Variants in CADPS2 observed in about 807,000 individuals in gnomAD.
The protein encoded by CADPS2 is calcium dependent secretion activator 2.
CADPS2 carries 93 observed loss-of-function variants against 172.5 expected under a neutral mutation model. That is an observed-to-expected ratio of 0.54 (90% CI 0.46 to 0.64). The LOEUF (loss-of-function observed/expected upper bound fraction) is 0.64, where lower values mean the gene tolerates loss of function less well. CADPS2 is among the 30% of genes least tolerant of loss of function. CADPS2 has a pLI of 0.00. For synonymous variants in CADPS2, 546 were observed against 555.2 expected, an observed-to-expected ratio of 0.98 and a Z score of 0.23; for missense variants, 1,420 against 1,565.9, an observed-to-expected ratio of 0.91 and a Z score of 1.57.
At chr7:122,703,827 G>C (rs896574236) in intron 2 of CADPS2, among the ~76,000 whole-genome samples, 12 of 152,108 alleles carry the variant, frequency 7.9e-5, no homozygotes, top group Non-Finnish European at 1.3e-4. Flanking sequence ...ACAGACAAAG[G>C]CTGAATAACA....
At position 122,569,418 on chromosome 7, in the gene CADPS2, G is replaced by A. The variant is rs1201714073; in HGVS notation, c.1335+11761C>T. On this transcript the variant is annotated intron_variant, in intron 7 of 29. Coordinates refer to ENST00000449022, the MANE Select transcript of CADPS2 (RefSeq NM_017954.11). Reference sequence around the variant, plus strand: ...AATGGAAGACCATTCCATGCTCGTGGATAGGAAGAATCAATACCGTGAAAA... The same window carrying A: ...AATGGAAGACCATTCCATGCTCGTGAATAGGAAGAATCAATACCGTGAAAA... 2.6e-5 allele frequency among the ~76,000 whole-genome samples: 4 copies of A among 151,984 alleles called. No individual in the cohort carries two copies. The East Asian group carries it at 7.7e-4, about 29-fold the overall frequency.
intron 1 of CADPS2, among the ~76,000 whole-genome samples, chr7:122,744,747 A>T (rs1410780939): frequency 6.6e-6 from 1 of 152,168 alleles, no homozygotes; most frequent in African/African-American, 2.4e-5. Flanking sequence ...ATGGACCCCA[A>T]CCCAGTCTAG....
intron 9 of CADPS2, among the ~76,000 whole-genome samples, chr7:122,494,218 T>C (rs1297682846): frequency 2.0e-5 from 3 of 152,212 alleles, no homozygotes; most frequent in African/African-American, 7.2e-5. Context: ...TCCAGCCTGC[T>C]GGCCTTTCTG....
At chr7:122,510,261 C>G (rs2059916301) in intron 9 of CADPS2, among the ~76,000 whole-genome samples, 5 of 151,754 alleles carry the variant, frequency 3.3e-5, no homozygotes, top group Admixed American at 2.6e-4. Flanking sequence ...CAAAATTTAC[C>G]TTCATTAAAA....
At chr7:122,819,922 A>G (rs1176721324) in intron 1 of CADPS2, among the ~76,000 whole-genome samples, 1 of 152,134 alleles carries the variant, frequency 6.6e-6, no homozygotes, top group Non-Finnish European at 1.5e-5. Context: ...CCCATCCTGC[A>G]GCATGCTTTA....
intron 12 of CADPS2, among the ~76,000 whole-genome samples, chr7:122,477,020 G>T (rs1185605140): frequency 2.6e-5 from 3 of 113,290 alleles, no homozygotes; most frequent in African/African-American, 1.2e-4. Context: ...GAGGAGAGGA[G>T]AGGAGAGGAG....
intron 1 of CADPS2, among the ~76,000 whole-genome samples, chr7:122,783,201 A>C (rs531716475): frequency 1.3e-5 from 2 of 151,920 alleles, no homozygotes; most frequent in African/African-American, 4.8e-5. Context: ...TCAAAAAAAA[A>C]AAAAAACAAA....
intron 1 of CADPS2, among the ~76,000 whole-genome samples, chr7:122,885,575 G>C (rs1824124443): frequency 6.6e-6 from 1 of 152,126 alleles, no homozygotes; most frequent in Non-Finnish European, 1.5e-5. Context: ...GTTTCGCCTA[G>C]CTACAACACT....
intron 27 of CADPS2, among the ~76,000 whole-genome samples, chr7:122,353,114 G>GT (rs1381125283): frequency 1.3e-5 from 2 of 152,096 alleles, no homozygotes; most frequent in South Asian, 2.1e-4. Flanking sequence ...AAGTGATTGT[G>GT]TTTTTTGCCA....
At chr7:122,795,506 C>T (rs1796173314) in intron 1 of CADPS2, among the ~76,000 whole-genome samples, 1 of 152,110 alleles carries the variant, frequency 6.6e-6, no homozygotes, top group African/African-American at 2.4e-5. Context: ...CTTCAAGAAG[C>T]TTATCCACCA....
At chr7:122,399,660 C>CTTTTTTTTTTTGTTTTTTTTTTTTTTTTT (rs2045649961) in intron 20 of CADPS2, among the ~76,000 whole-genome samples, 1 of 51,210 alleles carries the variant, frequency 2.0e-5, no homozygotes. Context: ...GGGTGGGTTT[C>CTTTTTTTTTTTGTTTTTTTTTTTTTTTTT]TTTTTTTTTT....
chr7:122,383,671 C>T (rs2043278313), intron 24 of CADPS2, among the ~76,000 whole-genome samples: 1 of 152,048 alleles, frequency 6.6e-6, no homozygotes, highest in African/African-American at 2.4e-5. Context: ...AGGTCAGACA[C>T]AGTCCAAAAT....
chr7:122,646,643 G>C (rs1257172955), intron 3 of CADPS2, among the ~76,000 whole-genome samples: 3 of 152,152 alleles, frequency 2.0e-5, no homozygotes, highest in African/African-American at 7.2e-5. Context: ...ATCGTTACAT[G>C]AGAAGGAACA....
intron 3 of CADPS2, among the ~76,000 whole-genome samples, chr7:122,633,269 T>C (rs1048764974): frequency 6.6e-6 from 1 of 152,216 alleles, no homozygotes; most frequent in Non-Finnish European, 1.5e-5. Context: ...ACTGATTCTG[T>C]AAATTGCTTT....
intron 7 of CADPS2, among the ~76,000 whole-genome samples, chr7:122,566,751 G>T (rs999347633): frequency 2.6e-5 from 4 of 152,260 alleles, no homozygotes; most frequent in Admixed American, 6.5e-5. Context: ...TTTATTACTT[G>T]ATTAGGGATA....
intron 1 of CADPS2, among the ~76,000 whole-genome samples, chr7:122,808,668 T>C (rs1799337269): frequency 6.6e-6 from 1 of 152,216 alleles, no homozygotes; most frequent in Non-Finnish European, 1.5e-5. Flanking sequence ...AGAGGTATAG[T>C]ACCCTTATGG....
intron 6 of CADPS2, among the ~76,000 whole-genome samples, chr7:122,595,774 T>C (rs2071676219): frequency 6.6e-6 from 1 of 151,918 alleles, no homozygotes; most frequent in South Asian, 2.1e-4. Context: ...ATGGGAGCAA[T>C]AGGGAAAGTC....
chr7:122,876,396 T>G (rs915588806), intron 1 of CADPS2, among the ~76,000 whole-genome samples: 4 of 152,162 alleles, frequency 2.6e-5, no homozygotes, highest in African/African-American at 4.8e-5. Context: ...GGGTCTCACT[T>G]TGTCACCCAG....
At chr7:122,358,092 T>C (rs971796581) in intron 27 of CADPS2, among the ~76,000 whole-genome samples, 2 of 152,306 alleles carry the variant, frequency 1.3e-5, no homozygotes, top group South Asian at 4.1e-4. Flanking sequence ...CTACCAGCAA[T>C]GAATGAGAGT....
Sources: allele counts gnomAD v4.1 joint callset (sites outside exome capture counted in the v4.1 genomes callset), GRCh38; gene constraint gnomAD v4.1.1; transcripts MANE v1.5; gene names NCBI Gene and HGNC (gene_info 2026-07-23, HGNC 2026-07-21).